ATP6V0D2: variants seen among roughly 807,000 people sequenced by gnomAD.
The protein encoded by ATP6V0D2 is V-type proton ATPase subunit d 2.
ATP6V0D2 carries 40 observed loss-of-function variants against 40.0 expected under a neutral mutation model. The ratio of observed to expected loss-of-function variants is 1.00; its 90% CI spans 0.78 to 1.30. ATP6V0D2 has a LOEUF of 1.30. ATP6V0D2 is among the 50% of genes most tolerant of loss of function. The pLI is 0.00. For synonymous variants in ATP6V0D2, 179 were observed against 156.3 expected (o/e 1.15, Z -1.08); for missense variants, 470 against 423.1 (o/e 1.11, Z -0.97).
rs1471388061 is a variant in ATP6V0D2, at chr8:86,153,428, A to C, written c.*451A>C. The C allele has an allele frequency of 6.5e-6, 1 of 152,932 alleles. No individual in the cohort carries two copies. Among genetic ancestry groups the C allele is most frequent in the Non-Finnish European group, 1.5e-5 (1 of 68,714 alleles). The allele number at this position is 152,932 out of a possible 1,614,324, so 9.5% of individuals were successfully genotyped here. A position where few individuals can be genotyped will look rare whatever the true frequency, so the allele number is the denominator to read the frequency against. On this transcript the variant is annotated 3_prime_UTR_variant, in exon 8 of 8. Coordinates refer to ENST00000285393, the MANE Select transcript of ATP6V0D2 (RefSeq NM_152565.1). Reference sequence around the variant, plus strand: ...CAGTGCAGTGGTGTGATCACAGCTCACTGCAGCCTCGACTTCCCAGGCTCA... The same window carrying C: ...CAGTGCAGTGGTGTGATCACAGCTCCCTGCAGCCTCGACTTCCCAGGCTCA...
intron 1 of ATP6V0D2, 31 bp downstream of exon 1, chr8:86,099,139 G>T (rs201771291): frequency 8.4e-6 from 11 of 1,307,214 alleles, no homozygotes; most frequent in Non-Finnish European, 1.0e-5. Flanking sequence ...CCTTTAAAAA[G>T]AAAAAAAAAA....
intron 2 of ATP6V0D2, among the ~76,000 whole-genome samples, chr8:86,128,508 AG>A (rs1423046169): frequency 6.6e-6 from 1 of 152,218 alleles, no homozygotes; most frequent in African/African-American, 2.4e-5. Context: ...CTGAGTATTG[AG>A]GTACCTCCAT....
chr8:86,131,613 G>C (rs1334190112), intron 2 of ATP6V0D2, among the ~76,000 whole-genome samples: 1 of 152,038 alleles, frequency 6.6e-6, no homozygotes, highest in African/African-American at 2.4e-5. Context: ...TGATTCTCTT[G>C]CCTCAGCCTC....
At chr8:86,121,439 G>T (rs988114344) in intron 2 of ATP6V0D2, among the ~76,000 whole-genome samples, 1 of 152,102 alleles carries the variant, frequency 6.6e-6, no homozygotes, top group Non-Finnish European at 1.5e-5. Flanking sequence ...GTGTGGGGGC[G>T]CATGCCTGTA....
intron 2 of ATP6V0D2, among the ~76,000 whole-genome samples, chr8:86,133,506 A>G (rs1818855351): frequency 1.3e-5 from 2 of 151,634 alleles, no homozygotes; most frequent in South Asian, 4.2e-4. Flanking sequence ...TATTTTTAGT[A>G]GAGACGAGGT....
intron 2 of ATP6V0D2, among the ~76,000 whole-genome samples, chr8:86,120,570 TA>T (rs1308952225): frequency 6.6e-6 from 1 of 152,002 alleles, no homozygotes; most frequent in Admixed American, 6.6e-5. Flanking sequence ...ATAAATAAAT[TA>T]AAAAAATTTT....
At position 86,112,840 on chromosome 8, in the gene ATP6V0D2, C is replaced by T. The variant is rs373174080; in HGVS notation, c.131-869C>T. On this transcript the variant is annotated intron_variant, in intron 1 of 7. Coordinates refer to ENST00000285393, the MANE Select transcript of ATP6V0D2 (RefSeq NM_152565.1). ...GATGCATGGCATGGTCTGGTGGAAA[C>T]GATGCTGGGTTATAAGAATAAGGGG... 1.3e-4 allele frequency among the ~76,000 whole-genome samples: 20 copies of T among 152,228 alleles called. No individual in the cohort carries two copies. In the South Asian group the frequency reaches 3.1e-3, roughly 24 times the overall value.
At chr8:86,112,623 T>C (rs907209712) in intron 1 of ATP6V0D2, among the ~76,000 whole-genome samples, 3 of 152,088 alleles carry the variant, frequency 2.0e-5, no homozygotes, top group Admixed American at 6.6e-5. Flanking sequence ...TAGGGTAACA[T>C]TGAAGTGTAG....
chr8:86,117,832 C>A (rs1563557993), intron 2 of ATP6V0D2, among the ~76,000 whole-genome samples: 1 of 151,914 alleles, frequency 6.6e-6, no homozygotes. Flanking sequence ...TTGTTCCATG[C>A]GTGAGGAACA....
intron 2 of ATP6V0D2, among the ~76,000 whole-genome samples, chr8:86,133,268 C>A (rs551157900): frequency 8.7e-5 from 13 of 149,612 alleles, no homozygotes; most frequent in Non-Finnish European, 1.5e-4. Flanking sequence ...AAAGGCTGTT[C>A]TCTCTAGCCA....
At chr8:86,107,853 A>G (rs1818486865) in intron 1 of ATP6V0D2, among the ~76,000 whole-genome samples, 1 of 152,212 alleles carries the variant, frequency 6.6e-6, no homozygotes, top group African/African-American at 2.4e-5. Context: ...AAAGCACCAA[A>G]GAGGACTTTG....
intron 6 of ATP6V0D2, among the ~76,000 whole-genome samples, chr8:86,150,731 A>G (rs1473283068): frequency 6.6e-6 from 1 of 152,074 alleles, no homozygotes; most frequent in Non-Finnish European, 1.5e-5. Context: ...TAGTTTTTCC[A>G]CTCACCTTGC....
chr8:86,129,577 C>T (rs538380908), intron 2 of ATP6V0D2, among the ~76,000 whole-genome samples: 2 of 151,896 alleles, frequency 1.3e-5, no homozygotes, highest in African/African-American at 4.8e-5. Flanking sequence ...TTTGGGAGGC[C>T]GAGGCCTGCA....
At chr8:86,102,204 C>G (rs1471847154) in intron 1 of ATP6V0D2, among the ~76,000 whole-genome samples, 5 of 152,102 alleles carry the variant, frequency 3.3e-5, no homozygotes, top group Non-Finnish European at 5.9e-5. Flanking sequence ...ATAATGACTG[C>G]TCTACCTGAT....
intron 2 of ATP6V0D2, among the ~76,000 whole-genome samples, chr8:86,119,975 A>C (rs1818647563): frequency 6.6e-6 from 1 of 152,258 alleles, no homozygotes; most frequent in Admixed American, 6.5e-5. Flanking sequence ...ATAACTCAGC[A>C]GTTTATATTT....
intron 5 of ATP6V0D2, among the ~76,000 whole-genome samples, chr8:86,148,528 G>A (rs891650525): frequency 5.3e-5 from 8 of 152,142 alleles, no homozygotes; most frequent in Admixed American, 2.0e-4. Flanking sequence ...CAGCTTTCAC[G>A]TGCATATAGA....
rs1819196260 is a variant in ATP6V0D2 at position 86,154,068 on chromosome 8, C to G, written c.*1091C>G. 1 of 152,146 alleles carries G rather than the reference C, an allele frequency of 6.6e-6. No individual in the cohort carries two copies. The highest frequency in any genetic ancestry group is 2.4e-5 in the African/African-American group (1 of 41,430). The allele number at this position is 152,146 out of a possible 1,614,324, so 9.4% of individuals were successfully genotyped here. A position where few individuals can be genotyped will look rare whatever the true frequency, so the allele number is the denominator to read the frequency against. On this transcript the variant is annotated 3_prime_UTR_variant, in exon 8 of 8. Coordinates refer to ENST00000285393, the MANE Select transcript of ATP6V0D2 (RefSeq NM_152565.1). ...CAGGCCCCTTGTTCAGCCACTGCAC[C>G]TGGCCCCTTATTTTGTTTTTGTTTT...
At chr8:86,099,988 T>C (rs541515173) in intron 1 of ATP6V0D2, among the ~76,000 whole-genome samples, 1 of 152,130 alleles carries the variant, frequency 6.6e-6, no homozygotes, top group African/African-American at 2.4e-5. Flanking sequence ...TTCTATCACA[T>C]TTCTCAGTAT....
chr8:86,143,762 T>A (rs1391794744), intron 5 of ATP6V0D2, among the ~76,000 whole-genome samples: 1 of 152,192 alleles, frequency 6.6e-6, no homozygotes, highest in Non-Finnish European at 1.5e-5. Context: ...CCAGTAGGTC[T>A]CAGCCTTATT....
Sources: allele counts gnomAD v4.1 joint callset (sites outside exome capture counted in the v4.1 genomes callset), GRCh38; gene constraint gnomAD v4.1.1; transcripts MANE v1.5; gene names NCBI Gene and HGNC (gene_info 2026-07-23, HGNC 2026-07-21).